AFF4: variants seen among roughly 807,000 people sequenced by gnomAD.
The protein encoded by AFF4 is AF4/FMR2 family member 4.
A neutral mutation model predicts 124.8 loss-of-function variants in AFF4; 13 were observed. That is an observed-to-expected ratio of 0.10 (90% CI 0.07 to 0.17). The LOEUF is 0.17. Ranked by LOEUF, AFF4 falls within the 10% of genes least tolerant of loss-of-function variation. The probability of loss-of-function intolerance (pLI) is 1.00; values close to 1 mark genes in which losing one functional copy is unlikely to be tolerated. For missense variants in AFF4, 1,092 were observed against 1,403.8 expected (o/e 0.78, Z 3.55); for synonymous variants, 477 against 496.1 (o/e 0.96, Z 0.51).
intron 5 of AFF4, among the ~76,000 whole-genome samples, chr5:132,915,380 A>G (rs1760886246): frequency 6.6e-6 from 1 of 151,846 alleles, no homozygotes; most frequent in Admixed American, 6.6e-5. Flanking sequence ...TTCTATACAC[A>G]CTATTCCAGA....
rs930388427 is a variant in AFF4 at position 132,878,874 on chromosome 5, A to G, written c.*2185T>C. 5 of 223,232 alleles carry G rather than the reference A, an allele frequency of 2.2e-5. No individual in the cohort carries two copies. Among genetic ancestry groups the G allele is most frequent in the African/African-American group, 1.1e-4 (5 of 44,798 alleles). 13.8% of individuals were successfully genotyped at this position (223,232 alleles called of 1,614,324 possible). A position where few individuals can be genotyped will look rare whatever the true frequency, so the allele number is the denominator to read the frequency against. The stretch of plus-strand genomic sequence containing the variant: ...GGTATCCCACTGGCTGTTGTTGCTG[A>G]AAGTCTGAAAGCCCAGAGGATACTT... On this transcript the variant is annotated 3_prime_UTR_variant, in exon 21 of 21. Coordinates refer to ENST00000265343, the MANE Select transcript of AFF4 (RefSeq NM_014423.4).
intron 1 of AFF4, among the ~76,000 whole-genome samples, chr5:132,950,705 A>C (rs187906474): frequency 5.0e-4 from 76 of 152,252 alleles, no homozygotes; most frequent in Admixed American, 2.2e-3. Flanking sequence ...TTTATCAATC[A>C]ACCATCAACT....
At chr5:132,891,043 TAAA>T (rs1474439317) in intron 13 of AFF4, among the ~76,000 whole-genome samples, 1 of 151,312 alleles carries the variant, frequency 6.6e-6, no homozygotes, top group Admixed American at 6.6e-5. Context: ...AATAATAATT[TAAA>T]AAAGCAATAG....
At chr5:132,926,316 T>G (rs1184002904) in intron 5 of AFF4, 4 of 397,938 alleles carry the variant, frequency 1.0e-5, no homozygotes, top group Non-Finnish European at 2.0e-5. Context: ...TATTTCTGTA[T>G]TATTTGTTTT....
intron 1 of AFF4, among the ~76,000 whole-genome samples, chr5:132,958,488 A>AAAAAAAAAAAC (rs1762010346): frequency 6.7e-6 from 1 of 149,220 alleles, no homozygotes; most frequent in African/African-American, 2.4e-5. Context: ...AAAAAAAAAA[A>AAAAAAAAAAAC]AGGAGCTACA....
intron 1 of AFF4, chr5:132,943,667 A>G (rs1761627580): frequency 2.1e-5 from 5 of 235,498 alleles, no homozygotes; most frequent in Non-Finnish European, 3.7e-5. Flanking sequence ...TTTCCTGGGA[A>G]CAATGGGGGC....
intron 1 of AFF4, chr5:132,943,646 T>C (rs1561508155): frequency 4.5e-6 from 1 of 223,766 alleles, no homozygotes; most frequent in African/African-American, 2.3e-5. Context: ...CATGAAGCTT[T>C]GAGTGAAGTT....
At position 132,896,989 on chromosome 5, in the gene AFF4, C is replaced by T; in HGVS notation, c.1641G>A (p.Gln547=). The T allele has an allele frequency of 6.8e-6, 11 of 1,614,210 alleles. No individual in the cohort carries two copies. Among genetic ancestry groups the T allele is most frequent in the Non-Finnish European group, 9.3e-6 (11 of 1,180,038 alleles). ...QKGSESGRGR[Q]KSPAQSDSTT... is the part of the protein sequence containing the mutation. Reference sequence around the variant, plus strand: ...TGCTGTCACTCTGTGCAGGAGATTTCTGCCTCCCACGCCCACTTTCTGATC... The same window carrying T: ...TGCTGTCACTCTGTGCAGGAGATTTTTGCCTCCCACGCCCACTTTCTGATC... Residue 547 remains glutamine (Q), a synonymous_variant, in exon 11 of 21, where the codon CAG becomes CAA. Transcript: ENST00000265343.
At chr5:132,945,912 T>A (rs1326409952) in intron 1 of AFF4, among the ~76,000 whole-genome samples, 1 of 151,652 alleles carries the variant, frequency 6.6e-6, no homozygotes, top group African/African-American at 2.4e-5. Context: ...AATACAAAAT[T>A]AGCCAGGCGT....
At chr5:132,914,605 A>G (rs1485973967) in intron 5 of AFF4, among the ~76,000 whole-genome samples, 1 of 152,098 alleles carries the variant, frequency 6.6e-6, no homozygotes, top group Non-Finnish European at 1.5e-5. Flanking sequence ...CATTTCAAAA[A>G]AAAAAAAGAA....
chr5:132,931,864 A>C (rs2150096415), intron 4 of AFF4, among the ~76,000 whole-genome samples: 1 of 152,312 alleles, frequency 6.6e-6, no homozygotes, highest in East Asian at 1.9e-4. Context: ...GAATTGCTTG[A>C]ACCTGGGAGG....
chr5:132,958,688 GGT>G (rs1201846100), intron 1 of AFF4, among the ~76,000 whole-genome samples: 4 of 152,064 alleles, frequency 2.6e-5, no homozygotes, highest in Non-Finnish European at 4.4e-5. Flanking sequence ...AAGGTAAGAA[GGT>G]GTGTCTCTAC....
Position 132,897,142 on chromosome 5 carries a change from G to A in AFF4, c.1488C>T (p.Ile496=), listed in dbSNP as rs550331353. The change falls in exon 11 of 21, where the codon ATC becomes ATT. Residue 496 remains isoleucine (I), a synonymous_variant. Transcript: ENST00000265343. Reference sequence around the variant, plus strand: ...CCTTTTTGTAGCCTTGAGATGATGGGATGTTACTGTCCACTGAAGAGGCGG... The same window carrying A: ...CCTTTTTGTAGCCTTGAGATGATGGAATGTTACTGTCCACTGAAGAGGCGG... ...VSPASSVDSN[I]PSSQGYKKEG... The A allele has an allele frequency of 2.4e-5, 38 of 1,614,068 alleles. No homozygotes were observed. In the South Asian group the frequency reaches 3.8e-4, roughly 16 times the overall value.
intron 1 of AFF4, among the ~76,000 whole-genome samples, chr5:132,939,951 A>T (rs1025982093): frequency 6.6e-6 from 1 of 151,998 alleles, no homozygotes; most frequent in Non-Finnish European, 1.5e-5. Context: ...TAATCCCAGC[A>T]CTTTGAGAGG....
chr5:132,882,854 C>A (rs377423889), intron 20 of AFF4, among the ~76,000 whole-genome samples: 78 of 123,396 alleles, frequency 6.3e-4, no homozygotes, highest in South Asian at 1.1e-3. Flanking sequence ...AACTCCATCT[C>A]AAAAAAAAAA....
intron 1 of AFF4, among the ~76,000 whole-genome samples, chr5:132,956,524 G>A (rs1238580510): frequency 1.1e-4 from 16 of 150,778 alleles, no homozygotes; most frequent in African/African-American, 3.4e-4. Context: ...CCAGCTACTC[G>A]GGAGGCTGAA....
At chr5:132,949,134 G>A (rs546480216) in intron 1 of AFF4, among the ~76,000 whole-genome samples, 31 of 151,416 alleles carry the variant, frequency 2.0e-4, no homozygotes, top group African/African-American at 7.0e-4. Context: ...CAATCAGTAG[G>A]AAGGCATGTT....
rs571366609 is a variant in AFF4 at position 132,934,185 on chromosome 5, G to A, written c.880C>T (p.His294Tyr). Reference protein sequence around the residue: ...MTELKPSSKAHLTKLKIPSQP... With the variant: ...MTELKPSSKAYLTKLKIPSQP... ...GAAGGTATTTTCAGCTTGGTGAGAT[G>A]TGCTTTGCTGCTGGGCTTCAGCTCA... The change falls in exon 3 of 21, where the codon CAT becomes TAT. Residue 294 changes from histidine to tyrosine, a missense_variant. Coordinates refer to ENST00000265343, the MANE Select transcript of AFF4 (RefSeq NM_014423.4). The A allele has an allele frequency of 9.3e-6, 15 of 1,614,086 alleles. No homozygotes were observed. Among genetic ancestry groups the A allele is most frequent in the South Asian group, 8.8e-5 (8 of 91,078 alleles).
chr5:132,928,790 A>G (rs965823962), intron 4 of AFF4, among the ~76,000 whole-genome samples: 7 of 152,226 alleles, frequency 4.6e-5, no homozygotes, highest in African/African-American at 1.7e-4. Flanking sequence ...TTTGGGCAAC[A>G]GAATGACAGA....
Sources: gnomAD v4.1 joint callset for allele counts (sites outside exome capture counted in the v4.1 genomes callset) on GRCh38, gnomAD v4.1.1 for gene constraint, MANE v1.5 for transcripts, NCBI Gene and HGNC (gene_info 2026-07-23, HGNC 2026-07-21) for gene names.